ANK2: variants seen among roughly 807,000 people sequenced by gnomAD.
The protein encoded by ANK2 is ankyrin 2.
ANK2 carries 83 observed loss-of-function variants against 360.5 expected under a neutral mutation model. That is an observed-to-expected ratio of 0.23 (90% CI 0.19 to 0.28). The LOEUF (loss-of-function observed/expected upper bound fraction) is 0.28. Ranked by LOEUF, ANK2 falls within the 10% of genes least tolerant of loss-of-function variation. ANK2 has a pLI of 1.00. For synonymous variants in ANK2, 1,740 were observed against 1,759.5 expected (o/e 0.99, Z 0.28); for missense variants, 4,201 against 4,795.7 (o/e 0.88, Z 3.66).
chr4:112,821,428 G>T (rs1313716401), intron 1 of ANK2, among the ~76,000 whole-genome samples: 1 of 152,068 alleles, frequency 6.6e-6, no homozygotes, highest in Non-Finnish European at 1.5e-5. Context: ...TGTGGGTCAT[G>T]TGATGAGATC....
chr4:112,947,800 A>C (rs1330610072), intron 2 of ANK2, among the ~76,000 whole-genome samples: 2 of 152,232 alleles, frequency 1.3e-5, no homozygotes, highest in African/African-American at 4.8e-5. Flanking sequence ...ATCTAGACCT[A>C]AGCATGCATG....
In ANK2 at chr4:113,095,597, A is replaced by G. The variant is rs142308239; in HGVS notation, c.84+45785A>G. Among the ~76,000 whole-genome samples, 16 of 152,296 alleles carry G rather than the reference A, an allele frequency of 1.1e-4. No homozygotes were observed. In the East Asian group the frequency reaches 2.9e-3, roughly 28 times the overall value. The stretch of plus-strand genomic sequence containing the variant: ...TTCTATTGTTATCCCCAGTAGAGGA[A>G]ATGTAGAATCACAAATTAGATTATG... On this transcript the variant is annotated intron_variant, in intron 1 of 45. Coordinates refer to ENST00000357077, the MANE Select transcript of ANK2 (RefSeq NM_001148.6).
At chr4:113,051,628 C>T (rs908749238) in intron 1 of ANK2, among the ~76,000 whole-genome samples, 5 of 152,056 alleles carry the variant, frequency 3.3e-5, no homozygotes, top group African/African-American at 1.2e-4. Context: ...ATGCTAATTA[C>T]ATAATAGATT....
rs766410850 is a variant in ANK2, at chr4:113,341,878, G to C, written c.4084G>C (p.Glu1362Gln). The C allele has an allele frequency of 2.2e-5, 35 of 1,613,842 alleles. No individual in the cohort carries two copies. The highest frequency in any genetic ancestry group is 2.9e-5 in the Non-Finnish European group (34 of 1,180,000). Residue 1362 changes from glutamate to glutamine, a missense_variant, in exon 33 of 46, where the codon GAA becomes CAA. Glu to Gln is a conservative substitution (Grantham distance 29). Coordinates refer to ENST00000357077, the MANE Select transcript of ANK2 (RefSeq NM_001148.6). ...DKVDKTLEQQ[E>Q]NFAEVARSRD... ...AGTGGATAAGACCCTTGAACAACAA[G>C]AAAATTTTGCTGAGGTGGCCAGAAG...
At chr4:112,857,898 A>G (rs2066854039) in intron 1 of ANK2, among the ~76,000 whole-genome samples, 1 of 152,172 alleles carries the variant, frequency 6.6e-6, no homozygotes, top group Non-Finnish European at 1.5e-5. Context: ...TGAGCTCCTG[A>G]GTGATGCTAA....
intron 4 of ANK2, among the ~76,000 whole-genome samples, chr4:113,200,904 G>A (rs1412669316): frequency 6.6e-6 from 1 of 152,008 alleles, no homozygotes; most frequent in Non-Finnish European, 1.5e-5. Flanking sequence ...GGGGGCTAGG[G>A]GAGGGATAGT....
rs1046535913 is a variant in ANK2, at chr4:112,837,645, A to C, written c.-40+19381A>C. Among the ~76,000 whole-genome samples, 12 of 152,344 alleles carry C rather than the reference A, an allele frequency of 7.9e-5. No homozygotes were observed. The East Asian group carries it at 1.4e-3, about 17-fold the overall frequency. On this transcript the variant is annotated intron_variant, in intron 1 of 30. Transcript: ENST00000503271. Reference sequence around the variant, plus strand: ...GGAGTGGAGCTGCCCATGGCCTTGGAAGCCCACCCCTTGCATCAGCATTCC... The same window carrying C: ...GGAGTGGAGCTGCCCATGGCCTTGGCAGCCCACCCCTTGCATCAGCATTCC...
At chr4:113,274,764 C>CCTTCTT in intron 15 of ANK2, 115 bp downstream of exon 15, 1 of 1,066,458 alleles carries the variant, frequency 9.4e-7, no homozygotes, top group Non-Finnish European at 1.4e-6. Flanking sequence ...TGACTTACTT[C>CCTTCTT]CTTCTCTACA....
chr4:112,779,358 A>C, the ANK2 span, among the ~76,000 whole-genome samples: 1 of 152,130 alleles, frequency 6.6e-6, no homozygotes, highest in African/African-American at 2.4e-5. Context: ...CTCTACTGAA[A>C]AATAGAAAAA....
rs1007955738 is a variant in ANK2 at position 113,149,740 on chromosome 4, G to A, written c.85-24676G>A. Among the ~76,000 whole-genome samples, 12 of 151,584 alleles carry A rather than the reference G, an allele frequency of 7.9e-5. 1 individual carries two copies. The South Asian group carries it at 2.3e-3, about 29-fold the overall frequency. ...AAAATACAAAAATTAGCTGGGTGTG[G>A]TGGCACACGCCCATGGTCCCAGCTA... On this transcript the variant is annotated intron_variant, in intron 1 of 45. Coordinates refer to ENST00000357077, the MANE Select transcript of ANK2 (RefSeq NM_001148.6).
chr4:113,285,801 A>AGGGAAAGTGAAAGGAGGCCGG (rs1212524541), intron 18 of ANK2, among the ~76,000 whole-genome samples: 2 of 152,198 alleles, frequency 1.3e-5, no homozygotes, highest in African/African-American at 4.8e-5. Flanking sequence ...GCCTAGCCTT[A>AGGGAAAGTGAAAGGAGGCCGG]GGGAAAGTGA....
chr4:113,124,774 T>G (rs2095564006), intron 1 of ANK2, among the ~76,000 whole-genome samples: 1 of 152,188 alleles, frequency 6.6e-6, no homozygotes, highest in African/African-American at 2.4e-5. Flanking sequence ...TTGTATATCA[T>G]TATTATGTTG....
At chr4:113,362,320 A>G (rs1275476811) in intron 39 of ANK2, among the ~76,000 whole-genome samples, 1 of 152,160 alleles carries the variant, frequency 6.6e-6, no homozygotes, top group Non-Finnish European at 1.5e-5. Context: ...TATATTTTTA[A>G]TTTTGAAAGA....
intron 1 of ANK2, among the ~76,000 whole-genome samples, chr4:113,157,775 T>C (rs13134375): frequency 0.3 from 45,325 of 152,140 alleles, 7,445 homozygotes; most frequent in Non-Finnish European, 0.39. Context: ...GGGGAAGTAG[T>C]AATGAATGGT....
At chr4:112,776,986 C>A in the ANK2 span, among the ~76,000 whole-genome samples, 1 of 152,132 alleles carries the variant, frequency 6.6e-6, no homozygotes, top group Non-Finnish European at 1.5e-5. Flanking sequence ...ATCCTGAGAT[C>A]TCCTATTAGT....
chr4:113,299,316 G>A (rs1325651710), intron 22 of ANK2, among the ~76,000 whole-genome samples: 2 of 151,866 alleles, frequency 1.3e-5, no homozygotes, highest in South Asian at 2.1e-4. Context: ...TGTTTACTAC[G>A]AAGGACAAAT....
At chr4:113,139,032 T>C (rs1326840308) in intron 1 of ANK2, among the ~76,000 whole-genome samples, 2 of 152,216 alleles carry the variant, frequency 1.3e-5, no homozygotes, top group Admixed American at 6.5e-5. Flanking sequence ...AGGTTGATTA[T>C]AAATGATCAT....
At chr4:112,934,839 A>G (rs1238589772) in intron 2 of ANK2, among the ~76,000 whole-genome samples, 1 of 152,216 alleles carries the variant, frequency 6.6e-6, no homozygotes, top group African/African-American at 2.4e-5. Flanking sequence ...ACAAAGAAAA[A>G]TACATGAGAG....
the ANK2 span, among the ~76,000 whole-genome samples, chr4:112,778,754 G>A: frequency 6.6e-6 from 1 of 152,218 alleles, no homozygotes; most frequent in Non-Finnish European, 1.5e-5. Flanking sequence ...TTAGGGGAAT[G>A]TGGAATGTGG....
Sources: allele counts gnomAD v4.1 joint callset (sites outside exome capture counted in the v4.1 genomes callset), GRCh38; gene constraint gnomAD v4.1.1; transcripts MANE v1.5; gene names NCBI Gene and HGNC (gene_info 2026-07-23, HGNC 2026-07-21).